NFX1: variants seen among roughly 807,000 people sequenced by gnomAD.
NFX1 encodes transcriptional repressor NF-X1.
NFX1 carries 69 observed loss-of-function variants against 137.2 expected under a neutral mutation model. The observed-to-expected ratio is 0.50, with a 90% CI of 0.41 to 0.61. The LOEUF (loss-of-function observed/expected upper bound fraction) is 0.61. Ranked by LOEUF, NFX1 falls within the 20% of genes least tolerant of loss-of-function variation. NFX1 has a pLI of 0.00. For missense variants in NFX1, 1,167 were observed against 1,391.0 expected, an observed-to-expected ratio of 0.84 and a Z score of 2.56; for synonymous variants, 495 against 474.1, an observed-to-expected ratio of 1.04 and a Z score of -0.57.
intron 4 of NFX1, among the ~76,000 whole-genome samples, chr9:33,306,604 G>A (rs542084395): frequency 6.6e-6 from 1 of 152,320 alleles, no homozygotes; most frequent in African/African-American, 2.4e-5. Context: ...TTCCTCAAGG[G>A]CAAGGAGGAA....
Position 33,346,686 on chromosome 9 carries a change from A to G in NFX1, c.2345-352A>G, listed in dbSNP as rs138289400. Among the ~76,000 whole-genome samples the G allele has an allele frequency of 4.6e-5, 7 of 152,348 alleles. No homozygotes were observed. The East Asian group carries it at 1.3e-3, about 29-fold the overall frequency. ...TTTAGATGGAATTAATAGCAAAGATATCTGAGCAGAAGTGAGCAGTTGCGG... is the reference window on the plus strand; with the variant it reads ...TTTAGATGGAATTAATAGCAAAGATGTCTGAGCAGAAGTGAGCAGTTGCGG... On this transcript the variant is annotated intron_variant, in intron 14 of 23. Coordinates refer to ENST00000379540, the MANE Select transcript of NFX1 (RefSeq NM_002504.6).
At chr9:33,299,190 T>C (rs1475282758) in intron 2 of NFX1, among the ~76,000 whole-genome samples, 1 of 152,166 alleles carries the variant, frequency 6.6e-6, no homozygotes, top group African/African-American at 2.4e-5. Flanking sequence ...TTAGCACTGG[T>C]ATAATCATAT....
intron 1 of NFX1, 57 bp downstream of exon 1, chr9:33,290,654 G>A: frequency 6.4e-7 from 1 of 1,560,838 alleles, no homozygotes; most frequent in South Asian, 1.1e-5. Flanking sequence ...AATTGGGTCA[G>A]TGACGAAGTT....
chr9:33,344,156 C>T lies in NFX1; in HGVS notation c.2312C>T (p.Thr771Ile), dbSNP rs779591254. 4 of 1,613,946 alleles carry T rather than the reference C, an allele frequency of 2.5e-6. No homozygotes were observed. The highest frequency in any genetic ancestry group is 2.2e-5 in the South Asian group (2 of 91,090). Residue 771 changes from threonine to isoleucine, a missense_variant, in exon 14 of 24, where the codon ACC becomes ATC. Thr to Ile is a moderately conservative substitution (Grantham distance 89). This residue lies in a region of NFX1 where 488 missense variants were observed against 691.5 expected (regional missense o/e 0.71). Transcript: ENST00000379540. ...CGTRPPECTQ[T>I]CARVHECDHP... is the part of the protein sequence containing the mutation. ...ACTAGGCCCCCTGAATGTACCCAAA[C>T]CTGCGCTAGAGTCCATGAGTGTGAC...
intron 6 of NFX1, 64 bp downstream of exon 6, chr9:33,311,241 T>C: frequency 6.9e-7 from 1 of 1,447,296 alleles, no homozygotes; most frequent in Non-Finnish European, 9.7e-7. Context: ...ACTTGTGAAT[T>C]TCTGAAATAA....
intron 7 of NFX1, among the ~76,000 whole-genome samples, chr9:33,314,184 A>G (rs936877934): frequency 2.6e-5 from 4 of 152,026 alleles, no homozygotes; most frequent in African/African-American, 7.2e-5. Context: ...GGGTTTCACA[A>G]TGTTGGCCAG....
intron 19 of NFX1, among the ~76,000 whole-genome samples, chr9:33,359,178 A>AT (rs1370541873): frequency 6.6e-6 from 1 of 151,778 alleles, no homozygotes; most frequent in African/African-American, 2.4e-5. Context: ...AATTCCTGTT[A>AT]TTTTTTTCCT....
chr9:33,306,890 C>T (rs549257048), intron 4 of NFX1, among the ~76,000 whole-genome samples: 2 of 152,194 alleles, frequency 1.3e-5, no homozygotes, highest in East Asian at 3.9e-4. Context: ...GACGACTTGT[C>T]TTATAGGTAT....
At chr9:33,369,067 T>C (rs1824251593) in intron 23 of NFX1, among the ~76,000 whole-genome samples, 1 of 151,926 alleles carries the variant, frequency 6.6e-6, no homozygotes, top group Non-Finnish European at 1.5e-5. Flanking sequence ...ATCTTTTTTC[T>C]TTTTTTCTTT....
At chr9:33,308,004 C>T (rs1283651743) in intron 5 of NFX1, among the ~76,000 whole-genome samples, 5 of 151,754 alleles carry the variant, frequency 3.3e-5, no homozygotes, top group African/African-American at 9.7e-5. Flanking sequence ...GGGGTTTTGC[C>T]GTGTTGCCCA....
intron 13 of NFX1, among the ~76,000 whole-genome samples, chr9:33,343,141 A>G (rs1275705952): frequency 1.3e-5 from 2 of 152,252 alleles, no homozygotes; most frequent in African/African-American, 2.4e-5. Flanking sequence ...TCTGTCCTCA[A>G]CAATCTTCTT....
intron 21 of NFX1, chr9:33,366,140 C>T (rs1180370961): frequency 6.5e-6 from 1 of 154,538 alleles, no homozygotes; most frequent in African/African-American, 2.4e-5. Flanking sequence ...AGAATATTAA[C>T]ATGAAGGAGA....
intron 19 of NFX1, among the ~76,000 whole-genome samples, chr9:33,358,647 ATTTTTTTTTT>A (rs61589629): frequency 6.6e-4 from 32 of 48,468 alleles, no homozygotes; most frequent in African/African-American, 2.2e-3. Context: ...GAATGGCTTG[ATTTTTTTTTT>A]TTTTTTTTTT....
At chr9:33,346,395 A>G (rs1383169050) in intron 14 of NFX1, among the ~76,000 whole-genome samples, 7 of 152,212 alleles carry the variant, frequency 4.6e-5, no homozygotes, top group Non-Finnish European at 1.0e-4. Context: ...AGAGGAAGAG[A>G]AAAATACCCT....
chr9:33,334,008 A>G (rs589231), intron 11 of NFX1, among the ~76,000 whole-genome samples: 117,518 of 151,818 alleles, frequency 0.77, 45,541 homozygotes, highest in African/African-American at 0.78. Context: ...AGCCAAGTAC[A>G]GTGGCGCACC....
At chr9:33,348,710 G>A in intron 15 of NFX1, 1 of 973,970 alleles carries the variant, frequency 1.0e-6, no homozygotes, top group Non-Finnish European at 1.2e-6. Context: ...ATGCAATAAA[G>A]TGAAGTCCAA....
chr9:33,336,831 G>A (rs1564130452), intron 11 of NFX1, among the ~76,000 whole-genome samples: 1 of 152,196 alleles, frequency 6.6e-6, no homozygotes. Context: ...GCTGGGCGCA[G>A]TAGCTCACGC....
At chr9:33,338,836 A>AT (rs1823110628) in intron 12 of NFX1, among the ~76,000 whole-genome samples, 1 of 152,122 alleles carries the variant, frequency 6.6e-6, no homozygotes, top group African/African-American at 2.4e-5. Context: ...AGAGAAAGAG[A>AT]TAAGAGAAGG....
intron 19 of NFX1, among the ~76,000 whole-genome samples, chr9:33,358,129 G>A (rs1054511078): frequency 6.6e-6 from 1 of 151,576 alleles, no homozygotes; most frequent in African/African-American, 2.4e-5. Context: ...TGTATTACTT[G>A]TAATTTTTTT....
Sources: gnomAD v4.1 joint callset for allele counts (sites outside exome capture counted in the v4.1 genomes callset) on GRCh38, gnomAD v4.1.1 for gene constraint, gnomAD v4.1.1 regional missense constraint, MANE v1.5 for transcripts, NCBI Gene and HGNC (gene_info 2026-07-23, HGNC 2026-07-21) for gene names.